The following ALOX12 variants were observed in gnomAD, a reference collection of about 807,000 sequenced individuals.
The protein encoded by ALOX12 is polyunsaturated fatty acid lipoxygenase ALOX12.
ALOX12 carries 62 observed loss-of-function variants against 85.5 expected under a neutral mutation model. The observed-to-expected ratio is 0.73, with a 90% CI of 0.59 to 0.90. The LOEUF (loss-of-function observed/expected upper bound fraction) is 0.90. ALOX12 is among the 40% of genes least tolerant of loss of function. ALOX12 has a pLI of 0.00. For missense variants in ALOX12, 751 were observed against 856.5 expected (o/e 0.88, Z 1.54); for synonymous variants, 299 against 332.7 (o/e 0.90, Z 1.10).
At chr17:7,004,879 A>T (rs1177250766) in intron 8 of ALOX12, among the ~76,000 whole-genome samples, 3 of 152,258 alleles carry the variant, frequency 2.0e-5, no homozygotes, top group Admixed American at 1.3e-4. Flanking sequence ...TGAAGCAGAC[A>T]GCTACTATTC....
chr17:6,997,697 A>C (rs1003154709), intron 2 of ALOX12, among the ~76,000 whole-genome samples: 7 of 151,556 alleles, frequency 4.6e-5, no homozygotes, highest in Admixed American at 3.3e-4. Context: ...AGCTGGGACT[A>C]CAGGCACCCC....
chr17:7,001,437 G>A (rs1326309832), intron 7 of ALOX12, 165 bp from the exon 8 acceptor site: 1 of 701,106 alleles, frequency 1.4e-6, no homozygotes, highest in African/African-American at 1.8e-5. Context: ...CTGACATCAG[G>A]GCACTCCAGC....
chr17:7,005,833 T>G (rs765981671), intron 9 of ALOX12, 25 bp from the exon 10 acceptor site: 3 of 1,604,814 alleles, frequency 1.9e-6, no homozygotes, highest in Non-Finnish European at 2.5e-6. Context: ...TTTCCCCCTC[T>G]AAGACCTGTG....
chr17:7,006,495 G>A lies in ALOX12; in HGVS notation c.1428G>A (p.Glu476=), dbSNP rs1567720158. The change falls in exon 11 of 14, where the codon GAG becomes GAA. Residue 476 remains glutamate (E), a synonymous_variant. Transcript: ENST00000251535. The part of the protein sequence containing the change: ...RLWEIIARYV[E]GIVHLFYQRD... ...TTTTCCCCCTGGGCAGGTATGTGGA[G>A]GGGATCGTCCACCTCTTCTACCAAA... 1 of 1,613,748 alleles carries A rather than the reference G, an allele frequency of 6.2e-7. No individual in the cohort carries two copies. The highest frequency in any genetic ancestry group is 8.5e-7 in the Non-Finnish European group (1 of 1,179,938).
chr17:7,000,527 A>G lies in ALOX12; in HGVS notation c.951+48A>G. ...ACAACGTTGCACTCTGTTCACCTCA[A>G]CCTCTGCTCCCAGGGACCCAACCCC... is the stretch of plus-strand genomic sequence containing the variant. On this transcript the variant is annotated intron_variant, in intron 7 of 13. Transcript: ENST00000251535. The surrounding 1 kb of genome is among the most constrained non-coding windows in gnomAD (Gnocchi z 4.6). The G allele has an allele frequency of 1.3e-6, 2 of 1,596,956 alleles. No homozygotes were observed. Among genetic ancestry groups the G allele is most frequent in the Non-Finnish European group, 1.7e-6 (2 of 1,169,434 alleles).
intron 5 of ALOX12, 79 bp downstream of exon 5, chr17:6,999,135 C>T (rs1908587563): frequency 6.6e-7 from 1 of 1,516,410 alleles, no homozygotes; most frequent in Non-Finnish European, 9.1e-7. Context: ...TCCCCCGTAA[C>T]TCTTTGCAAG....
intron 11 of ALOX12, among the ~76,000 whole-genome samples, chr17:7,007,759 T>C (rs775436264): frequency 2.6e-5 from 4 of 152,088 alleles, no homozygotes; most frequent in Non-Finnish European, 5.9e-5. Context: ...CACGCACCTG[T>C]AATCCCAGCT....
At position 7,006,673 on chromosome 17, in the gene ALOX12, G is replaced by A. The variant is rs113385020; in HGVS notation, c.1540+66G>A. The A allele has an allele frequency of 1.3e-5, 19 of 1,512,544 alleles. No homozygotes were observed. The African/African-American group carries it at 1.3e-4, about 10-fold the overall frequency. 93.7% of individuals were successfully genotyped at this position (1,512,544 alleles called of 1,614,324 possible). A position where few individuals can be genotyped will look rare whatever the true frequency, so the allele number is the denominator to read the frequency against. On this transcript the variant is annotated intron_variant, in intron 11 of 13. Transcript: ENST00000251535. ...TCTGCCAGGGCGCCTTCCCAGCCCT[G>A]CCCTTCTGGGGACAGGACCCCAGCC...
In ALOX12 at chr17:7,005,432, C is replaced by T. The variant is rs574231912; in HGVS notation, c.1248+89C>T. ...TCCAAGATCAACTATGTGTGAATGT[C>T]CTCACTCTTAACCTATGAACCTGTC... is the stretch of plus-strand genomic sequence containing the variant. On this transcript the variant is annotated intron_variant, in intron 9 of 13. Coordinates refer to ENST00000251535, the MANE Select transcript of ALOX12 (RefSeq NM_000697.3). 1.9e-3 allele frequency: 2,064 copies of T among 1,084,378 alleles called. 9 individuals are homozygous for T. Among genetic ancestry groups the T allele is most frequent in the Non-Finnish European group, 2.2e-3 (1,561 of 702,420 alleles). The allele number at this position is 1,084,378 out of a possible 1,614,324, so 67.2% of individuals were successfully genotyped here. A position where few individuals can be genotyped will look rare whatever the true frequency, so the allele number is the denominator to read the frequency against.
chr17:7,010,366 T>C lies in ALOX12; in HGVS notation c.1935T>C (p.Leu645=). Residue 645 remains leucine, a synonymous_variant, in exon 14 of 14, where the codon CTT becomes CTC. Transcript: ENST00000251535. ...AGATTACAGCCCGGAATGAGCAACT[T>C]GACTGGCCCTATGAATATCTGAAGC... is the stretch of plus-strand genomic sequence containing the variant. The part of the protein sequence containing the change: ...EKEITARNEQ[L]DWPYEYLKPS... The C allele has an allele frequency of 1.2e-6, 2 of 1,614,204 alleles. No homozygotes were observed. The highest frequency in any genetic ancestry group is 2.2e-5 in the South Asian group (2 of 91,076).
Position 6,998,600 on chromosome 17 carries a change from C to T in ALOX12, c.419+10C>T. On this transcript the variant is annotated intron_variant, in intron 3 of 13. Coordinates refer to ENST00000251535, the MANE Select transcript of ALOX12 (RefSeq NM_000697.3). Reference sequence around the variant, plus strand: ...GACAGCAGATCTACTGGTGACCACCCACCCCTTAAACTAACCCCGCCACCA... The same window carrying T: ...GACAGCAGATCTACTGGTGACCACCTACCCCTTAAACTAACCCCGCCACCA... The T allele has an allele frequency of 1.2e-6, 2 of 1,612,558 alleles. No individual in the cohort carries two copies. Among genetic ancestry groups the T allele is most frequent in the Non-Finnish European group, 1.7e-6 (2 of 1,178,736 alleles).
chr17:7,010,199 G>A (rs1444403320), intron 13 of ALOX12, 45 bp from the exon 14 acceptor site: 5 of 1,601,382 alleles, frequency 3.1e-6, no homozygotes, highest in Middle Eastern at 1.7e-4. Flanking sequence ...TGGGCTCTAG[G>A]TGCGTTTGTC....
chr17:7,004,079 A>ATT (rs566654109), intron 8 of ALOX12, among the ~76,000 whole-genome samples: 2,634 of 146,068 alleles, frequency 0.018, 46 homozygotes, highest in African/African-American at 0.035. Flanking sequence ...TTAATTTATT[A>ATT]AAATTAAAAT....
At chr17:6,996,281 G>A in intron 1 of ALOX12, 29 bp downstream of exon 1, 2 of 1,227,040 alleles carry the variant, frequency 1.6e-6, no homozygotes, top group Non-Finnish European at 2.0e-6. Flanking sequence ...GGGAGCTAGG[G>A]CAGCGGGGAC....
intron 8 of ALOX12, among the ~76,000 whole-genome samples, chr17:7,003,830 T>G (rs984558007): frequency 2.6e-5 from 4 of 152,146 alleles, no homozygotes; most frequent in Non-Finnish European, 4.4e-5. Context: ...TTCATGAATC[T>G]TCTGAAAAGC....
Position 6,996,940 on chromosome 17 carries a change from C to G in ALOX12, c.250C>G (p.Gln84Glu). The G allele has an allele frequency of 1.9e-6, 3 of 1,605,356 alleles. No individual in the cohort carries two copies. Among genetic ancestry groups the G allele is most frequent in the Non-Finnish European group, 2.6e-6 (3 of 1,176,094 alleles). The change falls in exon 2 of 14, where the codon CAG becomes GAG. Residue 84 changes from glutamine (Q) to glutamate (E), a missense_variant. Physicochemically the swap from Gln to Glu is conservative, Grantham distance 29. Coordinates refer to ENST00000251535, the MANE Select transcript of ALOX12 (RefSeq NM_000697.3). The stretch of plus-strand genomic sequence containing the variant: ...GTGGTTCTGCGACCGCATCACGGTG[C>G]AGGGCCCTGGAGCCTGCGCGGAGGT... ...DAWFCDRITVQGPGACAEVAF... is the reference protein window; with the variant it reads ...DAWFCDRITVEGPGACAEVAF...
rs1351662775 is a variant in ALOX12, at chr17:6,998,978, G to A, written c.568G>A (p.Val190Ile). 2.5e-6 allele frequency: 4 copies of A among 1,614,044 alleles called. No homozygotes were observed. The highest frequency in any genetic ancestry group is 1.3e-5 in the African/African-American group (1 of 74,924). ...AGALEMALKR[V>I]YTLLSSWNCL... ...GGCTCTGGAGATGGCCCTCAAACGT[G>A]TTTACACCCTCCTGAGCTCCTGGAA... The change falls in exon 5 of 14, where the codon GTT (valine) becomes ATT (isoleucine). Residue 190 changes from valine to isoleucine, a missense_variant. Physicochemically the swap from Val to Ile is conservative, Grantham distance 29 (BLOSUM62 3). Coordinates refer to ENST00000251535, the MANE Select transcript of ALOX12 (RefSeq NM_000697.3).
chr17:7,005,056 T>G (rs1241305558), intron 8 of ALOX12, among the ~76,000 whole-genome samples: 1 of 152,194 alleles, frequency 6.6e-6, no homozygotes, highest in Non-Finnish European at 1.5e-5. Flanking sequence ...AAGTGTAGGT[T>G]AAAATCCTGG....
chr17:6,996,590 GGGACC>G (rs1370769509), intron 1 of ALOX12, among the ~76,000 whole-genome samples: 1 of 152,164 alleles, frequency 6.6e-6, no homozygotes, highest in Non-Finnish European at 1.5e-5. Context: ...CTCAGTTAAT[GGGACC>G]CACGTGGGCG....
Sources: allele counts gnomAD v4.1 joint callset (sites outside exome capture counted in the v4.1 genomes callset), GRCh38; gene constraint gnomAD v4.1.1; non-coding constraint Gnocchi (gnomAD v3.1); transcripts MANE v1.5; gene names NCBI Gene and HGNC (gene_info 2026-07-23, HGNC 2026-07-21).